DOK6: variants seen among roughly 807,000 people sequenced by gnomAD.
The protein encoded by DOK6 is downstream of tyrosine kinase 6.
Under a neutral mutation model 44.0 loss-of-function variants are expected in DOK6, and 22 were observed. The observed-to-expected ratio is 0.50, with a 90% CI of 0.36 to 0.71. The LOEUF (loss-of-function observed/expected upper bound fraction) is 0.71, where lower values mean the gene tolerates loss of function less well. Among genes scored for constraint, DOK6 ranks in the 30% least tolerant of loss-of-function variants. The pLI, the probability that DOK6 is intolerant of heterozygous loss-of-function variation, is 0.00. For synonymous variants in DOK6, 166 were observed against 145.5 expected, an observed-to-expected ratio of 1.14 and a Z score of -1.01; for missense variants, 340 against 416.4, an observed-to-expected ratio of 0.82 and a Z score of 1.60.
At chr18:69,542,686 A>G (rs898110994) in intron 1 of DOK6, among the ~76,000 whole-genome samples, 3 of 151,304 alleles carry the variant, frequency 2.0e-5, no homozygotes, top group African/African-American at 7.3e-5. Context: ...TTTTTTTCTG[A>G]GTAAAAACGC....
intron 1 of DOK6, among the ~76,000 whole-genome samples, chr18:69,545,163 T>G (rs1197815639): frequency 2.6e-5 from 4 of 151,046 alleles, no homozygotes; most frequent in Admixed American, 2.6e-4. Flanking sequence ...CATGGCTTTT[T>G]CCTAGAGTTC....
intron 1 of DOK6, among the ~76,000 whole-genome samples, chr18:69,443,079 T>C (rs1979182117): frequency 6.6e-6 from 1 of 152,200 alleles, no homozygotes; most frequent in Non-Finnish European, 1.5e-5. Context: ...AATACGCCTG[T>C]TTACCTTACA....
At position 69,848,250 on chromosome 18, in the gene DOK6, T is replaced by G. The variant is rs1982396372; in HGVS notation, c.*6867T>G. 2 of 152,200 alleles carry G rather than the reference T, an allele frequency of 1.3e-5. No individual in the cohort carries two copies. Among genetic ancestry groups the G allele is most frequent in the African/African-American group, 4.8e-5 (2 of 41,452 alleles). 9.4% of individuals were successfully genotyped at this position (152,200 alleles called of 1,614,324 possible). ...TAATTTATATATACTTTGTGAAGTC[T>G]TATACTGTACATCATAAAGCGATGT... On this transcript the variant is annotated 3_prime_UTR_variant, in exon 8 of 8. Coordinates refer to ENST00000382713, the MANE Select transcript of DOK6 (RefSeq NM_152721.6).
rs145576149 is a variant in DOK6 at position 69,626,551 on chromosome 18, A to G, written c.289+27053A>G. Among the ~76,000 whole-genome samples the G allele has an allele frequency of 1.2e-4, 18 of 152,350 alleles. No homozygotes were observed. The East Asian group carries it at 3.1e-3, about 26-fold the overall frequency. ...GCTATAAGCTGAATGCCTATAACCT[A>G]ATGGGAAGAGGCTAAAATATACACA... is the stretch of plus-strand genomic sequence containing the variant. On this transcript the variant is annotated intron_variant, in intron 3 of 7. Transcript: ENST00000382713.
chr18:69,766,262 G>T (rs920708138), intron 7 of DOK6, among the ~76,000 whole-genome samples: 12 of 152,128 alleles, frequency 7.9e-5, no homozygotes, highest in African/African-American at 2.9e-4. Flanking sequence ...GAAGGAGGAG[G>T]GCAAGGGTTG....
Position 69,738,991 on chromosome 18 carries a change from T to C in DOK6, c.626T>C (p.Phe209Ser). ...ATGTGTGACACAGGAGAAGGACTAT[T>C]CACTTTTCAAACAAGGGAAGGAGAA... is the stretch of plus-strand genomic sequence containing the variant. Reference protein sequence around the residue: ...GRMCDTGEGLFTFQTREGEMI... With the variant: ...GRMCDTGEGLSTFQTREGEMI... Residue 209 changes from phenylalanine to serine, a missense_variant, in exon 6 of 8, where the codon TTC becomes TCC. Around this residue, in one of 3 missense-constraint regions of DOK6, gnomAD observed 206 missense variants for 258.6 expected, o/e 0.80. Coordinates refer to ENST00000382713, the MANE Select transcript of DOK6 (RefSeq NM_152721.6). 1 of 1,614,070 alleles carries C rather than the reference T, an allele frequency of 6.2e-7. No individual in the cohort carries two copies. The highest frequency in any genetic ancestry group is 8.5e-7 in the Non-Finnish European group (1 of 1,179,936).
At chr18:69,570,024 A>G (rs1206259540) in intron 2 of DOK6, among the ~76,000 whole-genome samples, 1 of 151,956 alleles carries the variant, frequency 6.6e-6, no homozygotes, top group African/African-American at 2.4e-5. Flanking sequence ...GGAACAACAA[A>G]CACTGGGATC....
At chr18:69,824,767 T>TTTATTAAAGGAGA (rs1412794626) in intron 7 of DOK6, among the ~76,000 whole-genome samples, 5 of 152,228 alleles carry the variant, frequency 3.3e-5, no homozygotes, top group Non-Finnish European at 7.3e-5. Context: ...CCAAATGGTA[T>TTTATTAAAGGAGA]TTATTAAAGG....
chr18:69,410,266 C>A (rs1978300444), intron 1 of DOK6, among the ~76,000 whole-genome samples: 1 of 152,188 alleles, frequency 6.6e-6, no homozygotes, highest in South Asian at 2.1e-4. Context: ...TAGGAGTGAC[C>A]TGCAGAACTT....
intron 3 of DOK6, among the ~76,000 whole-genome samples, chr18:69,634,656 C>T (rs1403063862): frequency 2.0e-5 from 3 of 152,140 alleles, no homozygotes. Flanking sequence ...GCTGCTGACT[C>T]TTTGCTTGGA....
intron 1 of DOK6, among the ~76,000 whole-genome samples, chr18:69,465,325 C>T (rs1339143060): frequency 6.6e-6 from 1 of 151,692 alleles, no homozygotes; most frequent in African/African-American, 2.4e-5. Context: ...TATTATTATA[C>T]TTTAAGTTTT....
chr18:69,454,892 C>G (rs1482052647), intron 1 of DOK6, among the ~76,000 whole-genome samples: 1 of 135,634 alleles, frequency 7.4e-6, no homozygotes, highest in East Asian at 2.3e-4. Flanking sequence ...GGGAATATCA[C>G]CCTCTAGGGA....
intron 3 of DOK6, among the ~76,000 whole-genome samples, chr18:69,657,402 C>G (rs1051714051): frequency 1.3e-5 from 2 of 152,142 alleles, no homozygotes; most frequent in African/African-American, 4.8e-5. Flanking sequence ...TGGAAGCTAC[C>G]CCTTCAGCCT....
intron 2 of DOK6, among the ~76,000 whole-genome samples, chr18:69,586,867 T>G (rs1437752762): frequency 6.6e-6 from 1 of 152,222 alleles, no homozygotes; most frequent in East Asian, 1.9e-4. Context: ...GCCCAGCCTC[T>G]GGGGGAGGCA....
intron 5 of DOK6, among the ~76,000 whole-genome samples, chr18:69,728,531 GTAA>G (rs1372646762): frequency 1.3e-5 from 2 of 151,924 alleles, no homozygotes; most frequent in African/African-American, 2.4e-5. Context: ...TTCTTTTGCT[GTAA>G]TAATACTTTC....
intron 4 of DOK6, among the ~76,000 whole-genome samples, chr18:69,690,649 G>GA (rs886742319): frequency 6.6e-5 from 10 of 151,908 alleles, no homozygotes; most frequent in African/African-American, 2.2e-4. Context: ...TAACTATTAA[G>GA]AAAAAAACAA....
chr18:69,697,505 T>G (rs72965505), intron 4 of DOK6, among the ~76,000 whole-genome samples: 7,071 of 152,276 alleles, frequency 0.046, 362 homozygotes, highest in African/African-American at 0.12. Flanking sequence ...ATCAAATATT[T>G]ATTGGACACA....
chr18:69,567,840 T>C (rs1447268912), intron 2 of DOK6, among the ~76,000 whole-genome samples: 2 of 152,180 alleles, frequency 1.3e-5, no homozygotes, highest in African/African-American at 4.8e-5. Flanking sequence ...TCAGCAGCTC[T>C]CTCACACTGT....
At position 69,841,746 on chromosome 18, in the gene DOK6, C is replaced by T. The variant is rs910857322; in HGVS notation, c.*363C>T. ...TGGGCACCTCTCACTGACCTCACAG[C>T]GCAGTCCGCCCATCTGAGCACAGGG... On this transcript the variant is annotated 3_prime_UTR_variant, in exon 8 of 8. Transcript: ENST00000382713. 14 of 215,984 alleles carry T rather than the reference C, an allele frequency of 6.5e-5. No homozygotes were observed. The highest frequency in any genetic ancestry group is 1.8e-4 in the South Asian group (2 of 11,150). 13.4% of individuals were successfully genotyped at this position (215,984 alleles called of 1,614,324 possible). A position where few individuals can be genotyped will look rare whatever the true frequency, so the allele number is the denominator to read the frequency against.
Sources: allele counts gnomAD v4.1 joint callset (sites outside exome capture counted in the v4.1 genomes callset), GRCh38; gene constraint gnomAD v4.1.1; regional missense constraint gnomAD v4.1.1; transcripts MANE v1.5; gene names NCBI Gene and HGNC (gene_info 2026-07-23, HGNC 2026-07-21).